Variants in SULT1A2 observed in about 807,000 individuals in gnomAD.
SULT1A2 encodes sulfotransferase 1A2.
A neutral mutation model predicts 36.0 loss-of-function variants in SULT1A2; 33 were observed. That is an observed-to-expected ratio of 0.92 (90% CI 0.69 to 1.22). The LOEUF (loss-of-function observed/expected upper bound fraction) is 1.22, where lower values mean the gene tolerates loss of function less well. SULT1A2 is among the 50% of genes most tolerant of loss of function. The pLI is 0.00. For synonymous variants in SULT1A2, 138 were observed against 144.5 expected, an observed-to-expected ratio of 0.96 and a Z score of 0.32; for missense variants, 367 against 383.2, an observed-to-expected ratio of 0.96 and a Z score of 0.35.
rs1298621535 is a variant in SULT1A2 at position 28,593,498 on chromosome 16, A to G, written c.443T>C (p.Val148Ala). The G allele has an allele frequency of 6.8e-6, 11 of 1,614,046 alleles. No homozygotes were observed. The highest frequency in any genetic ancestry group is 6.7e-5 in the African/African-American group (5 of 74,914). ...TTCCCAGGTCCCAGGGTGAGGGTAC[A>G]CTTTGGCCATGTGGTAGAAGTGGTA... ...SYYHFYHMAK[V>A]YPHPGTWESF... Residue 148 changes from valine (V) to alanine (A), a missense_variant, in exon 5 of 8, where the codon GTG becomes GCG. Transcript: ENST00000335715.
At position 28,595,632 on chromosome 16, in the gene SULT1A2, G is replaced by A. The variant is rs1126449; in HGVS notation, c.192C>T (p.Gly64=). The A allele has an allele frequency of 2.2e-4, 331 of 1,523,426 alleles. 1 individual carries two copies. Among genetic ancestry groups the A allele is most frequent in the African/African-American group, 2.9e-4 (21 of 73,470 alleles). The allele number at this position is 1,523,426 out of a possible 1,614,324, so 94.4% of individuals were successfully genotyped here. A position where few individuals can be genotyped will look rare whatever the true frequency, so the allele number is the denominator to read the frequency against. ...CTCGGTGACACTTTTCCAGGTCACC[G>A]CCCTGGTAGATCATGTCCAGAATCT... The part of the protein sequence containing the change: ...VSQILDMIYQ[G]GDLEKCHRAP... Residue 64 remains glycine, a synonymous_variant, in exon 3 of 8, where the codon GGC becomes GGT. Coordinates refer to ENST00000335715, the MANE Select transcript of SULT1A2 (RefSeq NM_001054.4).
intron 4 of SULT1A2, among the ~76,000 whole-genome samples, chr16:28,594,651 C>T (rs1386474684): frequency 6.6e-6 from 1 of 151,466 alleles, no homozygotes; most frequent in African/African-American, 2.4e-5. Flanking sequence ...CGGGGTTTCT[C>T]CATGTTGGCC....
intron 1 of SULT1A2, chr16:28,596,244 C>T: frequency 1.5e-6 from 2 of 1,314,176 alleles, no homozygotes; most frequent in Non-Finnish European, 2.0e-6. Context: ...GTGAAGGTCT[C>T]CAGGAGAGTC....
At chr16:28,593,970 A>AGTC (rs1371847615) in intron 4 of SULT1A2, among the ~76,000 whole-genome samples, 1 of 152,060 alleles carries the variant, frequency 6.6e-6, no homozygotes, top group Non-Finnish European at 1.5e-5. Context: ...AGATGAGACA[A>AGTC]GTCTGGAGGA....
At chr16:28,593,954 C>A (rs554897811) in intron 4 of SULT1A2, among the ~76,000 whole-genome samples, 2 of 152,020 alleles carry the variant, frequency 1.3e-5, no homozygotes, top group African/African-American at 2.4e-5. Flanking sequence ...CAGTCCCCCC[C>A]GTGGAAGATG....
In SULT1A2 at chr16:28,593,372, ACACAGGGTTGCTGTGCGTTGTAGCCAC is replaced by A. The variant is rs773232855; in HGVS notation, c.499+43_500-27del. ...CTGGAGAAGCGGGCAGGGAGTGCCGACACAGGGTTGCTGTGCGTTGTAGCCACCACCCCTTAGCTCCACACCTTCCTT... is the reference window on the plus strand; with the variant it reads ...CTGGAGAAGCGGGCAGGGAGTGCCGACACCCCTTAGCTCCACACCTTCCTT... On this transcript the variant is annotated intron_variant, in intron 5 of 7. Coordinates refer to ENST00000335715, the MANE Select transcript of SULT1A2 (RefSeq NM_001054.4). The A allele has an allele frequency of 4.3e-6, 7 of 1,614,020 alleles. No individual in the cohort carries two copies. In the East Asian group the frequency reaches 1.6e-4, roughly 36 times the overall value.
Position 28,595,461 on chromosome 16 carries a change from A to T in SULT1A2, c.278T>A (p.Met93Lys), listed in dbSNP as rs760931849. ...EFKVPGIPSG[M>K]ETLKNTPAPR... ...GGCTGGTGTGTTTTTCAGAGTCTCC[A>T]TCCCTGAGCAGTGGGTCAGGGAAGG... The change falls in exon 4 of 8, where the codon ATG (methionine) becomes AAG (lysine). Residue 93 changes from methionine (M) to lysine (K), a missense_variant. Coordinates refer to ENST00000335715, the MANE Select transcript of SULT1A2 (RefSeq NM_001054.4). 80 of 1,613,880 alleles carry T rather than the reference A, an allele frequency of 5.0e-5. No homozygotes were observed. Among genetic ancestry groups the T allele is most frequent in the Non-Finnish European group, 6.7e-5 (79 of 1,179,996 alleles).
intron 1 of SULT1A2, chr16:28,596,484 C>G: frequency 1.5e-6 from 1 of 667,958 alleles, no homozygotes; most frequent in Non-Finnish European, 2.0e-6. Context: ...GACAAACAGC[C>G]CATTGAGCAA....
In SULT1A2 at chr16:28,592,104, G is replaced by T. The variant is rs757120457; in HGVS notation, c.812C>A (p.Ala271Glu). 6.2e-7 allele frequency: 1 copy of T among 1,611,932 alleles called. No individual in the cohort carries two copies. ...AGDWKTTFTVAQNERFDADYA... is the reference protein window; with the variant it reads ...AGDWKTTFTVEQNERFDADYA... ...GTCCGCATCGAAGCGCTCATTCTGCGCCACGGTGAAGGTGGTCTTCCAGTC... is the reference window on the plus strand; with the variant it reads ...GTCCGCATCGAAGCGCTCATTCTGCTCCACGGTGAAGGTGGTCTTCCAGTC... The change falls in exon 8 of 8, where the codon GCG becomes GAG. Residue 271 changes from alanine to glutamate, a missense_variant. Ala to Glu is a moderately radical substitution (Grantham distance 107). Coordinates refer to ENST00000335715, the MANE Select transcript of SULT1A2 (RefSeq NM_001054.4).
intron 6 of SULT1A2, among the ~76,000 whole-genome samples, chr16:28,592,651 A>G (rs117459631): frequency 2.0e-5 from 3 of 152,052 alleles, no homozygotes; most frequent in Admixed American, 6.5e-5. Context: ...CTTGGCTCCT[A>G]TGGGTAAGGA....
In SULT1A2 at chr16:28,593,363, G is replaced by A; in HGVS notation, c.500-17C>T. The A allele has an allele frequency of 1.9e-6, 3 of 1,614,196 alleles. No individual in the cohort carries two copies. The highest frequency in any genetic ancestry group is 2.5e-6 in the Non-Finnish European group (3 of 1,180,036). ...CATAGGACACTGGAGAAGCGGGCAGGGAGTGCCGACACAGGGTTGCTGTGC... is the reference window on the plus strand; with the variant it reads ...CATAGGACACTGGAGAAGCGGGCAGAGAGTGCCGACACAGGGTTGCTGTGC... On this transcript the variant is annotated splice_polypyrimidine_tract_variant and intron_variant, in intron 5 of 7. Transcript: ENST00000335715.
intron 4 of SULT1A2, 64 bp from the exon 5 acceptor site, chr16:28,593,632 C>G (rs1277908188): frequency 6.2e-7 from 1 of 1,603,928 alleles, no homozygotes; most frequent in Non-Finnish European, 8.5e-7. Context: ...GCCAGCTCAT[C>G]TCTTGGTTTG....
At chr16:28,593,710 C>G in intron 4 of SULT1A2, 142 bp from the exon 5 acceptor site, 1 of 1,498,342 alleles carries the variant, frequency 6.7e-7, no homozygotes, top group Non-Finnish European at 9.0e-7. Context: ...AGGGCCAAGT[C>G]AGGATCTGAA....
At chr16:28,596,582 T>G (rs2047061999) in intron 1 of SULT1A2, 1 of 255,576 alleles carries the variant, frequency 3.9e-6, no homozygotes, top group African/African-American at 2.3e-5. Context: ...GCAGGGTGGC[T>G]CCCACCTGTA....
At chr16:28,593,180 G>C (rs2047014628) in intron 6 of SULT1A2, 72 bp downstream of exon 6, 1 of 1,600,526 alleles carries the variant, frequency 6.2e-7, no homozygotes, top group African/African-American at 1.3e-5. Context: ...GTGGCTGGGT[G>C]GCCTTGGCAG....
intron 4 of SULT1A2, among the ~76,000 whole-genome samples, chr16:28,594,333 A>G (rs1246376647): frequency 6.6e-6 from 1 of 152,022 alleles, no homozygotes; most frequent in Non-Finnish European, 1.5e-5. Context: ...ATAGAGATGG[A>G]GTCTCCCCAT....
At chr16:28,596,335 G>T in intron 1 of SULT1A2, 1 of 1,140,672 alleles carries the variant, frequency 8.8e-7, no homozygotes, top group Non-Finnish European at 1.1e-6. Flanking sequence ...ATTTCCTGCT[G>T]GGACCCCCAG....
At chr16:28,595,327 T>C in intron 4 of SULT1A2, 40 bp downstream of exon 4, 1 of 1,610,888 alleles carries the variant, frequency 6.2e-7, no homozygotes, top group Non-Finnish European at 8.5e-7. Flanking sequence ...CCTCCCAAAG[T>C]ACTGAGATTG....
In SULT1A2 at chr16:28,592,278, G is replaced by A. The variant is rs2047001954; in HGVS notation, c.760C>T (p.Pro254Ser). 3 of 1,613,974 alleles carry A rather than the reference G, an allele frequency of 1.9e-6. No homozygotes were observed. Among genetic ancestry groups the A allele is most frequent in the Non-Finnish European group, 2.5e-6 (3 of 1,179,876 alleles). ...CGGCACCTACCTTTCCTCATGAAGG[G>A]GGAGATGCTGTGGTCCATGAACTCC... Reference protein sequence around the residue: ...RREFMDHSISPFMRKGMAGDW... With the variant: ...RREFMDHSISSFMRKGMAGDW... Residue 254 changes from proline (P) to serine (S), a missense_variant, in exon 7 of 8, where the codon CCC (proline) becomes TCC (serine). By Grantham distance (74) the Pro-to-Ser change is moderately conservative. Transcript: ENST00000335715.
Sources: gnomAD v4.1 joint callset for allele counts (sites outside exome capture counted in the v4.1 genomes callset) on GRCh38, gnomAD v4.1.1 for gene constraint, MANE v1.5 for transcripts, NCBI Gene and HGNC (gene_info 2026-07-23, HGNC 2026-07-21) for gene names.